The following KDM5A variants were observed in gnomAD, a reference collection of about 807,000 sequenced individuals.
The protein encoded by KDM5A is lysine demethylase 5A.
A neutral mutation model predicts 193.5 loss-of-function variants in KDM5A; 42 were observed. That is an observed-to-expected ratio of 0.22 (90% CI 0.17 to 0.28). KDM5A has a LOEUF of 0.28. Ranked by LOEUF, KDM5A falls within the 10% of genes least tolerant of loss-of-function variation. KDM5A has a pLI of 1.00. For synonymous variants in KDM5A, 796 were observed against 718.1 expected, an observed-to-expected ratio of 1.11 and a Z score of -1.73; for missense variants, 1,692 against 2,055.1, an observed-to-expected ratio of 0.82 and a Z score of 3.42.
intron 5 of KDM5A, among the ~76,000 whole-genome samples, chr12:357,673 C>CA: frequency 6.6e-6 from 1 of 151,192 alleles, no homozygotes; most frequent in East Asian, 1.9e-4. Flanking sequence ...ACTAAAAATA[C>CA]AAAAATTAGC....
At chr12:368,083 A>T (rs915420341) in intron 3 of KDM5A, among the ~76,000 whole-genome samples, 5 of 152,220 alleles carry the variant, frequency 3.3e-5, no homozygotes, top group South Asian at 2.1e-4. Context: ...AATACAATGG[A>T]ATATTATTCT....
chr12:313,688 A>C (rs951518578), intron 19 of KDM5A, among the ~76,000 whole-genome samples: 2 of 152,350 alleles, frequency 1.3e-5, no homozygotes, highest in Non-Finnish European at 2.9e-5. Context: ...AGTTACACAA[A>C]GATGAATAAA....
At chr12:372,505 G>A (rs796430176) in intron 3 of KDM5A, among the ~76,000 whole-genome samples, 2 of 152,164 alleles carry the variant, frequency 1.3e-5, no homozygotes, top group South Asian at 2.1e-4. Context: ...AGATGATGGG[G>A]TTTTCTAAAT....
intron 1 of KDM5A, among the ~76,000 whole-genome samples, chr12:387,909 T>C (rs1007956940): frequency 2.6e-5 from 4 of 152,212 alleles, no homozygotes; most frequent in Non-Finnish European, 4.4e-5. Flanking sequence ...GTGCTTAATA[T>C]TTTATCATTA....
chr12:377,107 T>C (rs974407232), intron 3 of KDM5A, among the ~76,000 whole-genome samples: 2 of 151,608 alleles, frequency 1.3e-5, no homozygotes, highest in African/African-American at 4.8e-5. Flanking sequence ...GAGAACAGGA[T>C]TGTGAAAACC....
chr12:305,850 C>A (rs1208546844), intron 24 of KDM5A, among the ~76,000 whole-genome samples: 1 of 152,034 alleles, frequency 6.6e-6, no homozygotes, highest in Non-Finnish European at 1.5e-5. Context: ...GTATCTGCAA[C>A]TGGAACTCAG....
At chr12:386,745 T>C (rs567077100) in intron 1 of KDM5A, among the ~76,000 whole-genome samples, 1 of 152,268 alleles carries the variant, frequency 6.6e-6, no homozygotes, top group East Asian at 1.9e-4. Context: ...ATTTTTAAAG[T>C]AGGGATGGAT....
At chr12:305,421 G>A (rs1448316856) in intron 24 of KDM5A, among the ~76,000 whole-genome samples, 5 of 152,132 alleles carry the variant, frequency 3.3e-5, no homozygotes, top group African/African-American at 1.2e-4. Flanking sequence ...TATGATGGAT[G>A]GTTTTAATTT....
chr12:348,566 G>C (rs1944108791), intron 10 of KDM5A, among the ~76,000 whole-genome samples: 3 of 152,172 alleles, frequency 2.0e-5, no homozygotes, highest in Admixed American at 2.0e-4. Flanking sequence ...ATACACCATG[G>C]AATATTGTGC....
intron 20 of KDM5A, among the ~76,000 whole-genome samples, chr12:312,549 A>C (rs1344232616): frequency 1.3e-5 from 2 of 152,242 alleles, no homozygotes; most frequent in Non-Finnish European, 2.9e-5. Flanking sequence ...AAAAACAAGT[A>C]ATATTTAAGT....
rs746295514 is a variant in KDM5A, at chr12:306,959, C to T, written c.4061G>A (p.Gly1354Asp). 10 of 1,613,468 alleles carry T rather than the reference C, an allele frequency of 6.2e-6. No individual in the cohort carries two copies. The South Asian group carries it at 8.8e-5, about 14-fold the overall frequency. ...CCATGTAACTACCTTCATGTCGTAG[C>T]CATATGTCTCTCGAATGTCTTCATC... is the stretch of plus-strand genomic sequence containing the variant. The part of the protein sequence containing the change: ...DSDEDIRETY[G>D]YDMKDTASVK... Residue 1354 changes from glycine (G) to aspartate (D), a missense_variant, in exon 24 of 28, where the codon GGC (glycine) becomes GAC (aspartate). This residue lies in a region of KDM5A where 965 missense variants were observed against 1,061.0 expected (regional missense o/e 0.91). Transcript: ENST00000399788.
chr12:344,302 A>T (rs529145856), intron 10 of KDM5A, among the ~76,000 whole-genome samples: 6 of 152,364 alleles, frequency 3.9e-5, no homozygotes, highest in African/African-American at 1.4e-4. Context: ...GGTGTACCTT[A>T]AAGTGATGGG....
intron 24 of KDM5A, among the ~76,000 whole-genome samples, chr12:298,742 C>G (rs1487036006): frequency 1.3e-5 from 2 of 152,042 alleles, no homozygotes; most frequent in Non-Finnish European, 2.9e-5. Context: ...TGGGTAATAA[C>G]AAACTCCTCT....
At chr12:302,456 T>A (rs1002698040) in intron 24 of KDM5A, among the ~76,000 whole-genome samples, 1 of 152,224 alleles carries the variant, frequency 6.6e-6, no homozygotes, top group South Asian at 2.1e-4. Flanking sequence ...TTGGGAAAAC[T>A]GGCTTAGCCA....
At chr12:373,119 G>T (rs1565550642) in intron 3 of KDM5A, among the ~76,000 whole-genome samples, 1 of 152,186 alleles carries the variant, frequency 6.6e-6, no homozygotes, top group Non-Finnish European at 1.5e-5. Flanking sequence ...AATGAGTTAG[G>T]GAGAATTCCC....
chr12:323,572 G>A (rs1311805118), intron 15 of KDM5A, 28 bp downstream of exon 15: 2 of 1,602,278 alleles, frequency 1.2e-6, no homozygotes, highest in South Asian at 2.2e-5. Context: ...AAAAGGTAAT[G>A]GAAGTTTTAC....
At position 295,696 on chromosome 12, in the gene KDM5A, T is replaced by C. The variant is rs1429081761; in HGVS notation, c.4332A>G (p.Gln1444=). 2 of 1,614,158 alleles carry C rather than the reference T, an allele frequency of 1.2e-6. No individual in the cohort carries two copies. The highest frequency in any genetic ancestry group is 2.2e-5 in the East Asian group (1 of 44,888). The part of the protein sequence containing the change: ...VLELSPGAKA[Q]LEELMMVGDL... ...CTCCAACCATCATAAGTTCTTCCAG[T>C]TGTGCCTTAGCTCCAGGTGACAACT... The change falls in exon 26 of 28, where the codon CAA becomes CAG. Residue 1444 remains glutamine, a synonymous_variant. Transcript: ENST00000399788.
At chr12:339,535 T>C (rs1429290873) in intron 10 of KDM5A, among the ~76,000 whole-genome samples, 1 of 152,310 alleles carries the variant, frequency 6.6e-6, no homozygotes, top group African/African-American at 2.4e-5. Context: ...AATACTTTGG[T>C]TGATGTCTTT....
chr12:312,075 G>T lies in KDM5A; in HGVS notation c.3036+981C>A, dbSNP rs557831398. 2.0e-5 allele frequency among the ~76,000 whole-genome samples: 3 copies of T among 152,210 alleles called. No individual in the cohort carries two copies. In the East Asian group the frequency reaches 5.8e-4, roughly 29 times the overall value. ...ACACCCAGAATACGTTCCGTTTGGG[G>T]GCAGCAGTGTAGTGGAAGTTGGTTT... On this transcript the variant is annotated intron_variant, in intron 20 of 27. Coordinates refer to ENST00000399788, the MANE Select transcript of KDM5A (RefSeq NM_001042603.3).
Sources: gnomAD v4.1 joint callset for allele counts (sites outside exome capture counted in the v4.1 genomes callset) on GRCh38, gnomAD v4.1.1 for gene constraint, gnomAD v4.1.1 regional missense constraint, MANE v1.5 for transcripts, NCBI Gene and HGNC (gene_info 2026-07-23, HGNC 2026-07-21) for gene names.